WHRN: variants seen among roughly 807,000 people sequenced by gnomAD.
WHRN encodes the protein CASK-interacting protein CIP98.
WHRN carries 41 observed loss-of-function variants against 68.3 expected under a neutral mutation model. The observed-to-expected ratio is 0.60, with a 90% confidence interval of 0.47 to 0.78. WHRN has a LOEUF of 0.78. Ranked by LOEUF, WHRN falls within the 30% of genes least tolerant of loss-of-function variation. WHRN has a pLI of 0.00. For synonymous variants in WHRN, 560 were observed against 561.3 expected (o/e 1.00, Z 0.03); for missense variants, 1,243 against 1,244.7 (o/e 1.00, Z 0.02).
chr9:114,456,123 TAA>T (rs72171841), intron 3 of WHRN, among the ~76,000 whole-genome samples: 109,609 of 145,614 alleles, frequency 0.75, 41,048 homozygotes, highest in East Asian at 0.96. Context: ...TGAGAATGTG[TAA>T]AAAAAAAAAC....
chr9:114,467,832 C>T (rs1381436062), intron 2 of WHRN, among the ~76,000 whole-genome samples: 1 of 152,150 alleles, frequency 6.6e-6, no homozygotes, highest in Non-Finnish European at 1.5e-5. Context: ...CCACAAGACC[C>T]AGTGACAGGT....
At chr9:114,481,731 A>T (rs533955185) in intron 1 of WHRN, among the ~76,000 whole-genome samples, 102 of 152,318 alleles carry the variant, frequency 6.7e-4, no homozygotes, top group Non-Finnish European at 1.3e-3. Flanking sequence ...TCATTCAACA[A>T]GGGCTGACCA....
At chr9:114,413,413 T>C (rs1835591592) in intron 7 of WHRN, among the ~76,000 whole-genome samples, 1 of 152,060 alleles carries the variant, frequency 6.6e-6, no homozygotes, top group Non-Finnish European at 1.5e-5. Context: ...GACAGGGATG[T>C]GAGCCAGGGA....
At chr9:114,442,274 TG>T (rs1364352531) in intron 3 of WHRN, among the ~76,000 whole-genome samples, 1 of 152,202 alleles carries the variant, frequency 6.6e-6, no homozygotes, top group Non-Finnish European at 1.5e-5. Flanking sequence ...TGGCAAATGC[TG>T]GGGCTATGCA....
chr9:114,412,947 A>G (rs1281038967), intron 7 of WHRN, among the ~76,000 whole-genome samples: 2 of 152,108 alleles, frequency 1.3e-5, no homozygotes, highest in African/African-American at 4.8e-5. Flanking sequence ...CCTTCCCCTC[A>G]TTACAATGGG....
At chr9:114,443,583 A>G (rs1564160522) in intron 3 of WHRN, among the ~76,000 whole-genome samples, 1 of 152,214 alleles carries the variant, frequency 6.6e-6, no homozygotes, top group Non-Finnish European at 1.5e-5. Context: ...ATAATCCAGG[A>G]TCATCTCCCT....
At position 114,423,342 on chromosome 9, in the gene WHRN, C is replaced by G. The variant is rs772100554; in HGVS notation, c.1598G>C (p.Gly533Ala). Reference sequence around the variant, plus strand: ...GGCCGAGCTGACGGTGGTGGAGGTGCCGTGGCTGCCTGTGGATGAACCCGT... The same window carrying G: ...GGCCGAGCTGACGGTGGTGGAGGTGGCGTGGCTGCCTGTGGATGAACCCGT... ...SDTGSSTGSH[G>A]TSTTVSSARN... The change falls in exon 7 of 12, where the codon GGC (glycine) becomes GCC (alanine). Residue 533 changes from glycine (G) to alanine (A), a missense_variant. By Grantham distance (60) the Gly-to-Ala change is moderately conservative (BLOSUM62 0). Coordinates refer to ENST00000362057, the MANE Select transcript of WHRN (RefSeq NM_015404.4). The G allele has an allele frequency of 1.8e-5, 29 of 1,613,822 alleles. No homozygotes were observed. The highest frequency in any genetic ancestry group is 2.4e-5 in the Non-Finnish European group (28 of 1,179,932).
At chr9:114,477,179 G>A (rs1589226508) in intron 2 of WHRN, among the ~76,000 whole-genome samples, 1 of 152,190 alleles carries the variant, frequency 6.6e-6, no homozygotes, top group Non-Finnish European at 1.5e-5. Context: ...GCATATTGAC[G>A]TTTCAGCAAA....
Position 114,503,256 on chromosome 9 carries a change from T to C in WHRN, c.618+928A>G, listed in dbSNP as rs942438154. ...GGGTTTACAGAACAGTCCAACCCCC[T>C]GAGAAGCATTTCTCTGCAGAAGCAG... is the stretch of plus-strand genomic sequence containing the variant. On this transcript the variant is annotated intron_variant, in intron 1 of 11. Coordinates refer to ENST00000362057, the MANE Select transcript of WHRN (RefSeq NM_015404.4). 1.2e-5 allele frequency: 11 copies of C among 924,796 alleles called. No individual in the cohort carries two copies. The African/African-American group carries it at 1.6e-4, about 13-fold the overall frequency. 57.3% of individuals were successfully genotyped at this position (924,796 alleles called of 1,614,324 possible).
intron 3 of WHRN, among the ~76,000 whole-genome samples, chr9:114,440,533 G>T (rs1838282729): frequency 6.6e-6 from 1 of 152,126 alleles, no homozygotes; most frequent in Non-Finnish European, 1.5e-5. Flanking sequence ...AAACCATCCT[G>T]CCCGACCTAA....
intron 3 of WHRN, among the ~76,000 whole-genome samples, chr9:114,436,537 T>A (rs1190720774): frequency 1.3e-5 from 2 of 152,060 alleles, no homozygotes; most frequent in Non-Finnish European, 2.9e-5. Flanking sequence ...TCTAAAAAAA[T>A]AAATCTATTG....
intron 2 of WHRN, among the ~76,000 whole-genome samples, chr9:114,473,618 C>T (rs560022406): frequency 6.6e-6 from 1 of 152,202 alleles, no homozygotes; most frequent in South Asian, 2.1e-4. Flanking sequence ...CTGAAAACTG[C>T]AGTGAAGAGA....
chr9:114,460,885 T>C (rs1227599968), intron 3 of WHRN, among the ~76,000 whole-genome samples: 1 of 152,254 alleles, frequency 6.6e-6, no homozygotes, highest in Non-Finnish European at 1.5e-5. Flanking sequence ...CAAGCCCCTT[T>C]ATTCCATTTC....
chr9:114,472,024 C>T (rs904632770), intron 2 of WHRN, among the ~76,000 whole-genome samples: 5 of 152,252 alleles, frequency 3.3e-5, no homozygotes, highest in African/African-American at 7.2e-5. Context: ...CCCAGCCCTA[C>T]ACCTCTGAAG....
At chr9:114,474,367 T>C (rs895128003) in intron 2 of WHRN, among the ~76,000 whole-genome samples, 2 of 152,316 alleles carry the variant, frequency 1.3e-5, no homozygotes, top group Admixed American at 6.5e-5. Context: ...TTTTGCCTTC[T>C]TCCCTCGCCA....
rs1404491083 is a variant in WHRN at position 114,424,373 on chromosome 9, G to A, written c.1377C>T (p.Leu459=). 7 of 1,612,310 alleles carry A rather than the reference G, an allele frequency of 4.3e-6. No homozygotes were observed. Among genetic ancestry groups the A allele is most frequent in the African/African-American group, 2.7e-5 (2 of 74,866 alleles). Residue 459 remains leucine, a synonymous_variant, in exon 6 of 12, where the codon CTC becomes CTT. Coordinates refer to ENST00000362057, the MANE Select transcript of WHRN (RefSeq NM_015404.4). ...YRGGSVSVEA[L]VMALFKLLNT... ...TGAGCAGCTTGAACAGGGCCATGAC[G>A]AGGGCCTCCACAGAGACGCTGCCAC...
chr9:114,469,428 G>A (rs1841004336), intron 2 of WHRN, among the ~76,000 whole-genome samples: 1 of 152,230 alleles, frequency 6.6e-6, no homozygotes, highest in African/African-American at 2.4e-5. Flanking sequence ...ACGGGACACT[G>A]CTCCCCCTCC....
intron 1 of WHRN, among the ~76,000 whole-genome samples, chr9:114,486,885 A>AGTGTGT (rs142516414): frequency 0.021 from 1,536 of 73,652 alleles, 75 homozygotes; most frequent in African/African-American, 0.065. Context: ...TGATTAAATT[A>AGTGTGT]GTGTGTGTGT....
At chr9:114,485,687 G>A (rs573491736) in intron 1 of WHRN, among the ~76,000 whole-genome samples, 9 of 149,686 alleles carry the variant, frequency 6.0e-5, no homozygotes, top group South Asian at 4.3e-4. Context: ...GCGAGACTCC[G>A]TCTCTAAATA....
Sources: allele counts gnomAD v4.1 joint callset (sites outside exome capture counted in the v4.1 genomes callset), GRCh38; gene constraint gnomAD v4.1.1; transcripts MANE v1.5; gene names NCBI Gene and HGNC (gene_info 2026-07-23, HGNC 2026-07-21).